Variants in FAAH2 observed in about 807,000 individuals in gnomAD.
FAAH2 encodes the protein fatty-acid amide hydrolase 2.
Under a neutral mutation model 36.9 loss-of-function variants are expected in FAAH2, and 60 were observed. The observed-to-expected ratio is 1.63, with a 90% CI of 1.32 to 2.02. FAAH2 has a LOEUF of 2.02. Among genes scored for constraint, FAAH2 ranks in the 30% most tolerant of loss-of-function variants. FAAH2 has a pLI of 0.00. For missense variants in FAAH2, 689 were observed against 397.5 expected (o/e 1.73, Z -6.23); for synonymous variants, 214 against 143.8 (o/e 1.49, Z -3.49).
the FAAH2 span, among the ~76,000 whole-genome samples, chrX:57,130,456 T>C: frequency 3.6e-5 from 4 of 112,284 alleles, no homozygotes; most frequent in African/African-American, 1.3e-4. Flanking sequence ...CTACTGTTGT[T>C]TGCAGTTCTC....
intron 10 of FAAH2, among the ~76,000 whole-genome samples, chrX:57,482,660 C>G (rs2057400996): frequency 9.3e-6 from 1 of 107,644 alleles, no homozygotes; most frequent in African/African-American, 3.4e-5. Context: ...TCAATGGGAG[C>G]TGCAGACCAG....
chrX:57,306,501 G>T, intron 2 of FAAH2, among the ~76,000 whole-genome samples: 1 of 109,983 alleles, frequency 9.1e-6, no homozygotes, highest in Non-Finnish European at 1.9e-5. Flanking sequence ...ACCCTGGGAA[G>T]TTCAGGGACT....
At chrX:57,419,414 G>C (rs190784858) in intron 7 of FAAH2, among the ~76,000 whole-genome samples, 83 of 111,763 alleles carry the variant, frequency 7.4e-4, no homozygotes, top group African/African-American at 2.3e-3. Context: ...GCCATTCTAA[G>C]TGGTGTGAGA....
At chrX:57,193,164 C>T in the FAAH2 span, among the ~76,000 whole-genome samples, 1 of 111,730 alleles carries the variant, frequency 9.0e-6, no homozygotes, top group South Asian at 3.8e-4. Context: ...AAGGAACATC[C>T]CTGGGAAAGA....
chrX:57,393,290 A>G (rs2055210745), intron 7 of FAAH2: 1 of 1,085,611 alleles, frequency 9.2e-7, no homozygotes, highest in South Asian at 1.9e-5. Flanking sequence ...AGCCTTGGGA[A>G]GAGGCATTCC....
intron 5 of FAAH2, among the ~76,000 whole-genome samples, chrX:57,342,524 A>G (rs2053714028): frequency 8.9e-6 from 1 of 111,992 alleles, no homozygotes; most frequent in Admixed American, 9.5e-5. Flanking sequence ...TTAAAAGTTA[A>G]AAAGAAAGAT....
At chrX:57,123,681 T>G in the FAAH2 span, among the ~76,000 whole-genome samples, 5 of 112,448 alleles carry the variant, frequency 4.4e-5, no homozygotes, top group Non-Finnish European at 9.4e-5. Context: ...CCTTACTTTT[T>G]AATGATCGCC....
the FAAH2 span, among the ~76,000 whole-genome samples, chrX:57,207,676 G>A: frequency 3.6e-5 from 4 of 112,287 alleles, no homozygotes; most frequent in African/African-American, 1.3e-4. Flanking sequence ...TTTCCCCATT[G>A]TAGTCTGAAT....
intron 3 of FAAH2, among the ~76,000 whole-genome samples, chrX:57,325,341 A>T (rs896416003): frequency 9.0e-6 from 1 of 111,373 alleles, no homozygotes; most frequent in African/African-American, 3.3e-5. Flanking sequence ...TATCAGGATG[A>T]TGCTGGCCTC....
At chrX:57,133,559 C>A in the FAAH2 span, among the ~76,000 whole-genome samples, 4 of 110,930 alleles carry the variant, frequency 3.6e-5, no homozygotes, top group African/African-American at 1.3e-4. Context: ...TACCTAAGGC[C>A]CAGCTGCATG....
At chrX:57,452,130 G>A in intron 10 of FAAH2, 1 of 751,802 alleles carries the variant, frequency 1.3e-6, no homozygotes, top group Non-Finnish European at 1.6e-6. Flanking sequence ...CCCCACTTTA[G>A]GTGTCTGTAC....
chrX:57,438,882 G>A (rs2056479168), intron 8 of FAAH2, among the ~76,000 whole-genome samples: 1 of 108,306 alleles, frequency 9.2e-6, no homozygotes, highest in African/African-American at 3.4e-5. Context: ...ATAGTTTGCT[G>A]AGAATGATGG....
intron 3 of FAAH2, among the ~76,000 whole-genome samples, chrX:57,323,710 GT>G (rs2053112355): frequency 2.5e-5 from 1 of 39,420 alleles, no homozygotes; most frequent in East Asian, 8.9e-4. Flanking sequence ...TTGTAAACTT[GT>G]TTGAGTTCTT....
At chrX:57,124,837 T>G in the FAAH2 span, among the ~76,000 whole-genome samples, 1 of 112,221 alleles carries the variant, frequency 8.9e-6, no homozygotes, top group African/African-American at 3.2e-5. Flanking sequence ...ATGCTTGTGA[T>G]TTTTGCACAT....
chrX:57,476,181 C>T (rs760033676), intron 10 of FAAH2, among the ~76,000 whole-genome samples: 1 of 111,030 alleles, frequency 9.0e-6, no homozygotes, highest in East Asian at 2.8e-4. Context: ...ACTTGAATAC[C>T]CTTTATTTAT....
At chrX:57,370,915 C>T (rs2054534273) in intron 5 of FAAH2, among the ~76,000 whole-genome samples, 1 of 111,187 alleles carries the variant, frequency 9.0e-6, no homozygotes, top group Non-Finnish European at 1.9e-5. Flanking sequence ...GAAACCACTT[C>T]CTGGTGCCAA....
intron 7 of FAAH2, among the ~76,000 whole-genome samples, chrX:57,414,753 C>G (rs956944618): frequency 9.1e-6 from 1 of 110,337 alleles, no homozygotes. Flanking sequence ...GGCGGATTCC[C>G]TCTGTTTCTA....
chrX:57,429,460 A>G (rs1375415948), intron 7 of FAAH2, among the ~76,000 whole-genome samples: 2 of 112,217 alleles, frequency 1.8e-5, no homozygotes, highest in Non-Finnish European at 3.8e-5. Flanking sequence ...TTAATCAATG[A>G]AATGCAAATT....
At chrX:57,121,986 C>T in the FAAH2 span, 1 of 111,848 alleles carries the variant, frequency 8.9e-6, no homozygotes, top group East Asian at 2.8e-4. Context: ...GCCATTTTGA[C>T]CCAGTCTCTA....
Sources: allele counts gnomAD v4.1 joint callset (sites outside exome capture counted in the v4.1 genomes callset), GRCh38; gene constraint gnomAD v4.1.1; transcripts MANE v1.5; gene names NCBI Gene and HGNC (gene_info 2026-07-23, HGNC 2026-07-21).